Variants in LRRC74A observed in about 807,000 individuals in gnomAD.
LRRC74A encodes leucine rich repeat containing 74A, also known as leucine-rich repeat-containing protein 74A.
In LRRC74A, 44 loss-of-function variants were observed where a neutral mutation model predicts 57.9. The observed-to-expected ratio is 0.76, with a 90% CI of 0.60 to 0.98. The LOEUF is 0.98. Ranked by LOEUF, LRRC74A falls within the 50% of genes least tolerant of loss-of-function variation. The pLI, the probability that LRRC74A is intolerant of heterozygous loss-of-function variation, is 0.00. For synonymous variants in LRRC74A, 211 were observed against 219.4 expected, an observed-to-expected ratio of 0.96 and a Z score of 0.34; for missense variants, 572 against 574.0, an observed-to-expected ratio of 1.00 and a Z score of 0.04.
chr14:76,848,096 C>T (rs1020687986), intron 7 of LRRC74A, among the ~76,000 whole-genome samples: 1 of 137,990 alleles, frequency 7.2e-6, no homozygotes, highest in Non-Finnish European at 1.5e-5. Flanking sequence ...CCGTTTGAAC[C>T]TGGGAGGCAG....
intron 10 of LRRC74A, among the ~76,000 whole-genome samples, chr14:76,859,779 G>A (rs994558959): frequency 1.3e-5 from 2 of 149,072 alleles, no homozygotes; most frequent in Admixed American, 6.8e-5. Flanking sequence ...AGGTTCAAGC[G>A]ATTCTCCTGC....
At chr14:76,828,563 C>A (rs75720627) in intron 2 of LRRC74A, 144 bp downstream of exon 2, 4 of 1,292,252 alleles carry the variant, frequency 3.1e-6, no homozygotes, top group Admixed American at 3.7e-5. Context: ...AAGGCCTGCT[C>A]GATTTTGCCT....
chr14:76,842,529 T>C (rs937918841), intron 5 of LRRC74A, among the ~76,000 whole-genome samples: 11 of 152,242 alleles, frequency 7.2e-5, no homozygotes, highest in African/African-American at 2.7e-4. Flanking sequence ...CTGTAGTATC[T>C]GTAACCACTG....
At chr14:76,841,716 CTT>C (rs55941029) in intron 5 of LRRC74A, among the ~76,000 whole-genome samples, 38,722 of 136,076 alleles carry the variant, frequency 0.28, 5,527 homozygotes, top group Non-Finnish European at 0.32. Flanking sequence ...TTTTCTTTTT[CTT>C]TTTTTTTTTT....
intron 5 of LRRC74A, among the ~76,000 whole-genome samples, chr14:76,843,287 CAAAA>C (rs59087508): frequency 6.9e-5 from 9 of 130,530 alleles, no homozygotes; most frequent in African/African-American, 2.2e-4. Flanking sequence ...GACTCCGTCT[CAAAA>C]AAAAAAAAAA....
Position 76,834,098 on chromosome 14 carries a change from C to T in LRRC74A, c.340-2109C>T, listed in dbSNP as rs78045810. Among the ~76,000 whole-genome samples, 1,305 of 152,334 alleles carry T rather than the reference C, an allele frequency of 8.6e-3. 21 individuals are homozygous for T. The highest frequency in any genetic ancestry group is 0.029 in the African/African-American group (1,196 of 41,572). Reference sequence around the variant, plus strand: ...TTTTCCTCACTTTCCCCAACACACTCATTCTTTCTTAAACATATAACAGCA... The same window carrying T: ...TTTTCCTCACTTTCCCCAACACACTTATTCTTTCTTAAACATATAACAGCA... On this transcript the variant is annotated intron_variant, in intron 3 of 13. Coordinates refer to ENST00000689127, the MANE Select transcript of LRRC74A (RefSeq NM_001385106.1).
chr14:76,870,131 GA>G lies in LRRC74A; in HGVS notation c.1400del (p.Asn467ThrfsTer3). The G allele has an allele frequency of 6.2e-7, 1 of 1,611,588 alleles. No individual in the cohort carries two copies. The highest frequency in any genetic ancestry group is 1.1e-5 in the South Asian group (1 of 90,358). ...KTGMVNFSFL[N>X]TMKP is the part of the protein sequence containing the mutation. Reference sequence around the variant, plus strand: ...CCCTTACCTTTCGTACCAGTTTCTTGAACACGATGAAGCCATAGCAACAAGT... The same window carrying G: ...CCCTTACCTTTCGTACCAGTTTCTTGACACGATGAAGCCATAGCAACAAGT... On this transcript the variant is annotated frameshift_variant, in exon 14 of 14. Transcript: ENST00000689127. LOFTEE classifies it high-confidence loss of function.
At chr14:76,855,702 C>T (rs1323041817) in intron 9 of LRRC74A, among the ~76,000 whole-genome samples, 1 of 152,124 alleles carries the variant, frequency 6.6e-6, no homozygotes. Context: ...AGGTCCAGGC[C>T]CTAGTCTGCA....
chr14:76,836,015 C>A (rs1896302957), intron 3 of LRRC74A, among the ~76,000 whole-genome samples, 192 bp from the exon 4 acceptor site: 1 of 152,228 alleles, frequency 6.6e-6, no homozygotes, highest in Admixed American at 6.5e-5. Flanking sequence ...CTCCCAGAAT[C>A]AGCGTATTGT....
intron 8 of LRRC74A, 118 bp from the exon 9 acceptor site, chr14:76,853,098 C>T: frequency 1.1e-6 from 1 of 902,434 alleles, no homozygotes; most frequent in Non-Finnish European, 1.8e-6. Context: ...ACCCATCAGT[C>T]CTGGGGACCA....
chr14:76,867,618 T>G (rs1469667914), intron 13 of LRRC74A, among the ~76,000 whole-genome samples, 180 bp downstream of exon 13: 1 of 152,144 alleles, frequency 6.6e-6, no homozygotes, highest in Admixed American at 6.5e-5. Context: ...AATTCACTTG[T>G]TCAGCGAAAC....
intron 5 of LRRC74A, 148 bp from the exon 6 acceptor site, chr14:76,844,275 T>A (rs946923296): frequency 1.4e-6 from 1 of 711,234 alleles, no homozygotes; most frequent in Non-Finnish European, 2.4e-6. Flanking sequence ...AGTGCTGGGA[T>A]TACAGGCGTA....
chr14:76,838,202 T>C (rs999500175), intron 5 of LRRC74A, among the ~76,000 whole-genome samples: 12 of 152,094 alleles, frequency 7.9e-5, no homozygotes, highest in Admixed American at 2.0e-4. Context: ...TATCATGTAC[T>C]TTACCACCCA....
intron 12 of LRRC74A, among the ~76,000 whole-genome samples, chr14:76,866,912 TGGG>T (rs1898849509): frequency 8.5e-6 from 1 of 117,626 alleles, no homozygotes. Context: ...AGGCATTGTG[TGGG>T]GTGTGTGTGT....
chr14:76,826,759 C>T (rs1895604599), intron 1 of LRRC74A, 25 bp downstream of exon 1: 1 of 1,450,820 alleles, frequency 6.9e-7, no homozygotes. Flanking sequence ...CATCTCTCAC[C>T]ACTCAGGCCC....
rs945668659 is a variant in LRRC74A at position 76,864,858 on chromosome 14, T to TA, written c.1201-1101dup. On this transcript the variant is annotated intron_variant, in intron 11 of 13. Coordinates refer to ENST00000689127, the MANE Select transcript of LRRC74A (RefSeq NM_001385106.1). ...GACAGAGCGAGACTCTGTTTCAAAATAAAAAAAAAGAGAGGAAAAGAATAT... is the reference window on the plus strand; with the variant it reads ...GACAGAGCGAGACTCTGTTTCAAAATAAAAAAAAAAGAGAGGAAAAGAATAT... Among the ~76,000 whole-genome samples the TA allele has an allele frequency of 6.7e-5, 10 of 149,362 alleles. No individual in the cohort carries two copies. In the East Asian group the frequency reaches 9.8e-4, roughly 15 times the overall value.
At chr14:76,861,479 T>C (rs575006405) in intron 11 of LRRC74A, among the ~76,000 whole-genome samples, 2 of 152,068 alleles carry the variant, frequency 1.3e-5, no homozygotes, top group South Asian at 4.2e-4. Flanking sequence ...AGCTGTTCTT[T>C]CCAACAGCTG....
intron 11 of LRRC74A, among the ~76,000 whole-genome samples, chr14:76,862,620 C>T (rs1053191676): frequency 1.3e-5 from 2 of 151,884 alleles, no homozygotes; most frequent in Non-Finnish European, 2.9e-5. Flanking sequence ...AAGAGATCAA[C>T]GTAGGATTCG....
At chr14:76,858,509 G>A (rs1024496451) in intron 10 of LRRC74A, among the ~76,000 whole-genome samples, 1 of 152,086 alleles carries the variant, frequency 6.6e-6, no homozygotes, top group Non-Finnish European at 1.5e-5. Flanking sequence ...TCACATTCAC[G>A]GGTCCTAGGG....
Sources: allele counts gnomAD v4.1 joint callset (sites outside exome capture counted in the v4.1 genomes callset), GRCh38; gene constraint gnomAD v4.1.1; transcripts MANE v1.5; gene names NCBI Gene and HGNC (gene_info 2026-07-23, HGNC 2026-07-21).